Variants in SLC22A5 observed in about 807,000 individuals in gnomAD.
SLC22A5 encodes organic cation/carnitine transporter 2.
A neutral mutation model predicts 56.7 loss-of-function variants in SLC22A5; 44 were observed. The ratio of observed to expected loss-of-function variants is 0.78; its 90% CI spans 0.61 to 1.00. SLC22A5 has a LOEUF of 1.00. Among genes scored for constraint, SLC22A5 ranks in the 50% least tolerant of loss-of-function variants. The pLI is 0.00. For missense variants in SLC22A5, 675 were observed against 723.0 expected (o/e 0.93, Z 0.76); for synonymous variants, 278 against 292.1 (o/e 0.95, Z 0.49).
At chr5:132,393,244 A>C (rs957933955) in intron 8 of SLC22A5, among the ~76,000 whole-genome samples, 1 of 151,324 alleles carries the variant, frequency 6.6e-6, no homozygotes, top group Admixed American at 6.6e-5. Flanking sequence ...ATCTCAAAGC[A>C]AGCAAAAGCA....
At chr5:132,371,083 G>C (rs1751906047) in intron 1 of SLC22A5, among the ~76,000 whole-genome samples, 1 of 151,354 alleles carries the variant, frequency 6.6e-6, no homozygotes, top group African/African-American at 2.4e-5. Context: ...GGGCTCAAGT[G>C]ATTCTCCTGC....
intron 5 of SLC22A5, among the ~76,000 whole-genome samples, chr5:132,387,380 C>T (rs1459759133): frequency 1.4e-5 from 2 of 146,024 alleles, no homozygotes; most frequent in African/African-American, 5.1e-5. Flanking sequence ...CCACGGGTTT[C>T]AGATTTTCAT....
In SLC22A5 at chr5:132,370,083, G is replaced by C. The variant is rs762780354; in HGVS notation, c.111G>C (p.Leu37=). 4.3e-6 allele frequency: 7 copies of C among 1,612,776 alleles called. No homozygotes were observed. Among genetic ancestry groups the C allele is most frequent in the Admixed American group, 1.7e-5 (1 of 59,948 alleles). The change falls in exon 1 of 10, where the codon CTG becomes CTC. Residue 37 remains leucine (L), a synonymous_variant. Transcript: ENST00000245407. The stretch of plus-strand genomic sequence containing the variant: ...TCATCCCCAATGGCTTCACCGGCCT[G>C]TCCTCCGTGTTCCTGATAGCGACCC... The part of the protein sequence containing the change: ...ASIIPNGFTG[L]SSVFLIATPE...
At chr5:132,391,988 T>C (rs274551) in intron 7 of SLC22A5, among the ~76,000 whole-genome samples, 114,882 of 152,174 alleles carry the variant, frequency 0.75, 45,049 homozygotes, top group East Asian at 0.91. Flanking sequence ...AAGATCAACT[T>C]GAGATTCTGA....
At chr5:132,378,014 AC>A in intron 1 of SLC22A5, 1 of 1,292,236 alleles carries the variant, frequency 7.7e-7, no homozygotes, top group African/African-American at 1.5e-5. Flanking sequence ...AATGGCCTGA[AC>A]CCCACTGAGC....
intron 2 of SLC22A5, chr5:132,382,387 C>T (rs1160077248): frequency 1.3e-5 from 2 of 150,654 alleles, no homozygotes; most frequent in Non-Finnish European, 3.0e-5. Flanking sequence ...CCCCAACCCA[C>T]CCCCTGTGGC....
chr5:132,371,021 A>G (rs1751901128), intron 1 of SLC22A5, among the ~76,000 whole-genome samples: 1 of 144,076 alleles, frequency 6.9e-6, no homozygotes, highest in East Asian at 2.3e-4. Flanking sequence ...TTCTTGGCTC[A>G]CTGCAACCTT....
At chr5:132,372,673 G>A (rs1751975862) in intron 1 of SLC22A5, among the ~76,000 whole-genome samples, 1 of 152,210 alleles carries the variant, frequency 6.6e-6, no homozygotes, top group Admixed American at 6.5e-5. Flanking sequence ...AGTCTTTGCA[G>A]GGAGGCCAGA....
Position 132,394,280 on chromosome 5 carries a change from T to G in SLC22A5, c.*8T>G. On this transcript the variant is annotated 3_prime_UTR_variant, in exon 10 of 10. Coordinates refer to ENST00000245407, the MANE Select transcript of SLC22A5 (RefSeq NM_003060.4). The stretch of plus-strand genomic sequence containing the variant: ...AAAAGCACAGCCTTCTAACATCGCT[T>G]CCAGTAAGGGAGAAACTGAAGAGGA... 1 of 1,587,382 alleles carries G rather than the reference T, an allele frequency of 6.3e-7. No individual in the cohort carries two copies.
rs748745940 is a variant in SLC22A5 at position 132,390,678 on chromosome 5, A to G, written c.1053-12A>G. 8 of 1,594,300 alleles carry G rather than the reference A, an allele frequency of 5.0e-6. No homozygotes were observed. In the South Asian group the frequency reaches 7.7e-5, roughly 15 times the overall value. On this transcript the variant is annotated splice_polypyrimidine_tract_variant and intron_variant, in intron 6 of 9. Transcript: ENST00000245407. ...TACTGCTTTTCCAGCTTTCTTCTGCACTCTGTTTCAGGATGACCATATCAG... is the reference window on the plus strand; with the variant it reads ...TACTGCTTTTCCAGCTTTCTTCTGCGCTCTGTTTCAGGATGACCATATCAG...
intron 1 of SLC22A5, chr5:132,376,217 C>T (rs1356455275): frequency 6.6e-6 from 1 of 152,224 alleles, no homozygotes; most frequent in Non-Finnish European, 1.5e-5. Flanking sequence ...CTTTCCTGAT[C>T]CTGCTCACAG....
intron 7 of SLC22A5, among the ~76,000 whole-genome samples, chr5:132,391,737 A>G (rs952510796): frequency 1.3e-5 from 2 of 152,110 alleles, no homozygotes; most frequent in African/African-American, 4.8e-5. Context: ...TTTATAGAAC[A>G]GTTCATGGGC....
chr5:132,374,077 G>A (rs945854888), intron 1 of SLC22A5, among the ~76,000 whole-genome samples: 23 of 152,050 alleles, frequency 1.5e-4, no homozygotes, highest in African/African-American at 3.4e-4. Context: ...TTAGCCCTGC[G>A]TGGTGGTGGG....
Position 132,387,080 on chromosome 5 carries a change from G to A in SLC22A5, c.880G>A (p.Glu294Lys), listed in dbSNP as rs376450643. Residue 294 changes from glutamate (E) to lysine (K), a missense_variant, in exon 5 of 10, where the codon GAG becomes AAG. By Grantham distance (56) the Glu-to-Lys change is moderately conservative. Coordinates refer to ENST00000245407, the MANE Select transcript of SLC22A5 (RefSeq NM_003060.4). ...CTCTCAGGGACGATTTGAAGAGGCA[G>A]AGGTGATCATCCGCAAGGCTGCCAA... ...LISQGRFEEAEVIIRKAAKAN... is the reference protein window; with the variant it reads ...LISQGRFEEAKVIIRKAAKAN... The A allele has an allele frequency of 1.2e-6, 2 of 1,614,184 alleles. No individual in the cohort carries two copies. The highest frequency in any genetic ancestry group is 1.7e-6 in the Non-Finnish European group (2 of 1,180,018).
intron 8 of SLC22A5, among the ~76,000 whole-genome samples, chr5:132,392,909 A>T (rs1232262953): frequency 6.6e-6 from 1 of 152,214 alleles, no homozygotes; most frequent in Non-Finnish European, 1.5e-5. Context: ...TATCCTAAGA[A>T]CCTACAGAGT....
rs2126775354 is a variant in SLC22A5 at position 132,378,207 on chromosome 5, A to G, written c.394-171A>G. 24 of 1,612,268 alleles carry G rather than the reference A, an allele frequency of 1.5e-5. No individual in the cohort carries two copies. Among genetic ancestry groups the G allele is most frequent in the South Asian group, 2.2e-5 (2 of 90,980 alleles). On this transcript the variant is annotated intron_variant, in intron 1 of 9. Coordinates refer to ENST00000245407, the MANE Select transcript of SLC22A5 (RefSeq NM_003060.4). ...AATGCTATGAAAAACAGGATGGGAA[A>G]GAAGCCTGCTCTCTGCCTTCCTGCC...
intron 1 of SLC22A5, 53 bp downstream of exon 1, chr5:132,370,418 G>A (rs951540930): frequency 5.0e-6 from 8 of 1,587,882 alleles, no homozygotes; most frequent in Non-Finnish European, 6.9e-6. Context: ...GACCTGTCGC[G>A]GTCCTTGAAC....
chr5:132,390,219 G>A (rs1752654340), intron 6 of SLC22A5: 2 of 284,188 alleles, frequency 7.0e-6, no homozygotes, highest in African/African-American at 2.2e-5. Context: ...GGTAGTGTGT[G>A]AGGGTCTCTC....
intron 1 of SLC22A5, among the ~76,000 whole-genome samples, chr5:132,372,713 T>G (rs1018743607): frequency 3.3e-5 from 5 of 152,374 alleles, no homozygotes; most frequent in Admixed American, 2.6e-4. Flanking sequence ...TTTGGGCTAC[T>G]GGAATGCTTG....
Sources: gnomAD v4.1 joint callset for allele counts (sites outside exome capture counted in the v4.1 genomes callset) on GRCh38, gnomAD v4.1.1 for gene constraint, MANE v1.5 for transcripts, NCBI Gene and HGNC (gene_info 2026-07-23, HGNC 2026-07-21) for gene names.